Variants in CARMIL3 observed in about 807,000 individuals in gnomAD.
The protein encoded by CARMIL3 is capping protein, Arp2/3 and myosin-I linker protein 3.
In CARMIL3, 88 loss-of-function variants were observed where a neutral mutation model predicts 180.8. That is an observed-to-expected ratio of 0.49 (90% CI 0.41 to 0.58). The LOEUF (loss-of-function observed/expected upper bound fraction) is 0.58. CARMIL3 is among the 20% of genes least tolerant of loss of function. The pLI is 0.00. For synonymous variants in CARMIL3, 696 were observed against 714.5 expected, an observed-to-expected ratio of 0.97 and a Z score of 0.41; for missense variants, 1,548 against 1,787.0, an observed-to-expected ratio of 0.87 and a Z score of 2.41.
rs573542988 is a variant in CARMIL3, at chr14:24,052,104, C to CCGGCGG, written c.-39_-34dup. The CCGGCGG allele has an allele frequency of 2.6e-6, 4 of 1,521,920 alleles. No individual in the cohort carries two copies. The highest frequency in any genetic ancestry group is 5.3e-5 in the East Asian group (2 of 37,784). The allele number at this position is 1,521,920 out of a possible 1,614,324, so 94.3% of individuals were successfully genotyped here. On this transcript the variant is annotated 5_prime_UTR_variant, in exon 1 of 40. Coordinates refer to ENST00000342740, the MANE Select transcript of CARMIL3 (RefSeq NM_138360.4). ...CGGGTCTAGCATGTGCCGCGGCTCC[C>CCGGCGG]CGGCGGCGGCGGCGGCTCCTCTGCA...
rs538075167 is a variant in CARMIL3 at position 24,059,830 on chromosome 14, T to G, written c.1868+98T>G. 3.9e-5 allele frequency: 60 copies of G among 1,537,018 alleles called. No individual in the cohort carries two copies. In the African/African-American group the frequency reaches 8.1e-4, roughly 21 times the overall value. ...TTGCCCCACCCTAGCCCCTTTGACC[T>G]ATTTGCACAGAAATTTTAGGAAGGG... On this transcript the variant is annotated intron_variant, in intron 22 of 39. Coordinates refer to ENST00000342740, the MANE Select transcript of CARMIL3 (RefSeq NM_138360.4). The surrounding 1 kb of genome is among the most constrained non-coding windows in gnomAD (Gnocchi z 6.3).
At position 24,069,215 on chromosome 14, in the gene CARMIL3, A is replaced by G; in HGVS notation, c.4061A>G (p.Glu1354Gly). ...TRRAQSCDKL[E>G]PDRRRPPDPT... ...CGGGCACAGTCCTGTGACAAGCTGG[A>G]ACCTGATAGAAGACGGCCTCCTGAC... is the stretch of plus-strand genomic sequence containing the variant. Residue 1354 changes from glutamate to glycine, a missense_variant, in exon 39 of 40, where the codon GAA (glutamate) becomes GGA (glycine). Around this residue, in one of 4 missense-constraint regions of CARMIL3, gnomAD observed 668 missense variants for 687.8 expected, o/e 0.97. Coordinates refer to ENST00000342740, the MANE Select transcript of CARMIL3 (RefSeq NM_138360.4). 6.2e-7 allele frequency: 1 copy of G among 1,613,948 alleles called. No homozygotes were observed.
Position 24,059,286 on chromosome 14 carries a change from C to T in CARMIL3, c.1643C>T (p.Ser548Leu), listed in dbSNP as rs764897916. ...QEEDCSLQSL[S>L]VADSRLKLRT... ...CCCACACAGTCCCTGCAGTCACTGT[C>T]GGTGGCAGACTCCCGGCTGAAGCTT... Residue 548 changes from serine to leucine, a missense_variant, in exon 21 of 40, where the codon TCG becomes TTG. Physicochemically the swap from Ser to Leu is moderately radical, Grantham distance 145. Coordinates refer to ENST00000342740, the MANE Select transcript of CARMIL3 (RefSeq NM_138360.4). The surrounding 1 kb of genome is among the most constrained non-coding windows in gnomAD (Gnocchi z 6.3). 2 of 1,613,938 alleles carry T rather than the reference C, an allele frequency of 1.2e-6. No homozygotes were observed. The highest frequency in any genetic ancestry group is 1.1e-5 in the South Asian group (1 of 91,078).
chr14:24,062,928 C>A, intron 29 of CARMIL3, 82 bp downstream of exon 29: 1 of 1,547,574 alleles, frequency 6.5e-7, no homozygotes, highest in Non-Finnish European at 8.7e-7. Flanking sequence ...TTCCACTGAT[C>A]TGTACTCCCC....
At chr14:24,052,834 A>G (rs947564578) in intron 1 of CARMIL3, among the ~76,000 whole-genome samples, 3 of 152,148 alleles carry the variant, frequency 2.0e-5, no homozygotes, top group Admixed American at 1.3e-4. Flanking sequence ...TCCCGTTTGC[A>G]TGGTTCTCAG....
chr14:24,052,468 ACT>A (rs989915360), intron 1 of CARMIL3, among the ~76,000 whole-genome samples: 3 of 150,786 alleles, frequency 2.0e-5, no homozygotes, highest in African/African-American at 7.3e-5. Flanking sequence ...CCTGGGGCTG[ACT>A]CTCGGCGTTC....
intron 33 of CARMIL3, 97 bp from the exon 34 acceptor site, chr14:24,065,525 G>A: frequency 6.7e-7 from 1 of 1,499,336 alleles, no homozygotes; most frequent in Non-Finnish European, 8.9e-7. Context: ...CCGTGGCTAG[G>A]GACTCAGTGA....
intron 11 of CARMIL3, 22 bp from the exon 12 acceptor site, chr14:24,056,600 C>A: frequency 6.2e-7 from 1 of 1,612,804 alleles, no homozygotes; most frequent in Non-Finnish European, 8.5e-7. Context: ...TCACTGGGCC[C>A]GTTTCTCTCT....
Position 24,054,567 on chromosome 14 carries a change from C to G in CARMIL3, c.362+56C>G. The G allele has an allele frequency of 1.3e-6, 2 of 1,559,750 alleles. No homozygotes were observed. Among genetic ancestry groups the G allele is most frequent in the Non-Finnish European group, 8.8e-7 (1 of 1,137,080 alleles). On this transcript the variant is annotated intron_variant, in intron 5 of 39. Coordinates refer to ENST00000342740, the MANE Select transcript of CARMIL3 (RefSeq NM_138360.4). This position sits in a 1 kb window ranked among gnomAD's most constrained non-coding sequence, Gnocchi z 5.1. ...ATTAGATGAGAGGGAGAGTTCATCC[C>G]TTCCTCCTTCCCCTGGGCCAGGGCT... is the stretch of plus-strand genomic sequence containing the variant.
In CARMIL3 at chr14:24,063,292, CTGCTAGTCCCTCTAATG is replaced by C. The variant is rs1230732238; in HGVS notation, c.2771-32_2771-16del. On this transcript the variant is annotated splice_polypyrimidine_tract_variant and intron_variant, in intron 30 of 39. Coordinates refer to ENST00000342740, the MANE Select transcript of CARMIL3 (RefSeq NM_138360.4). The stretch of plus-strand genomic sequence containing the variant: ...CCCATCCTGCTTTCTCCCCATTCCT[CTGCTAGTCCCTCTAATG>C]CTGCTGTCTTTGCAGGCGGGAGCCC... The C allele has an allele frequency of 6.3e-7, 1 of 1,591,402 alleles. No homozygotes were observed. The highest frequency in any genetic ancestry group is 8.6e-7 in the Non-Finnish European group (1 of 1,163,310).
rs1464623997 is a variant in CARMIL3 at position 24,069,120 on chromosome 14, C to G, written c.3983-17C>G. The stretch of plus-strand genomic sequence containing the variant: ...AGCCCCACTCCTGTGTTAGGCCTGC[C>G]TTGATTGTTATTTCAGGGCCCCCTG... On this transcript the variant is annotated splice_polypyrimidine_tract_variant and intron_variant, in intron 38 of 39. Coordinates refer to ENST00000342740, the MANE Select transcript of CARMIL3 (RefSeq NM_138360.4). 6.2e-7 allele frequency: 1 copy of G among 1,613,638 alleles called. No homozygotes were observed. Among genetic ancestry groups the G allele is most frequent in the Admixed American group, 1.7e-5 (1 of 60,004 alleles).
Position 24,057,162 on chromosome 14 carries a change from T to C in CARMIL3, c.1063-5T>C, listed in dbSNP as rs1476997820. ...CCCTGCAACCCCTCTTCCTTCCTAC[T>C]CCAGGCCCTCTACAGTTTCCTGGCC... On this transcript the variant is annotated splice_polypyrimidine_tract_variant and splice_region_variant and intron_variant, in intron 13 of 39. Transcript: ENST00000342740. 2 of 1,613,542 alleles carry C rather than the reference T, an allele frequency of 1.2e-6. No individual in the cohort carries two copies. The highest frequency in any genetic ancestry group is 2.7e-5 in the African/African-American group (2 of 74,872).
At chr14:24,062,316 GTGTCAAGGGCTAGGCTGCCT>G in intron 27 of CARMIL3, 144 bp from the exon 28 acceptor site, 5 of 690,500 alleles carry the variant, frequency 7.2e-6, no homozygotes, top group Admixed American at 2.2e-5. Flanking sequence ...GGAGAAATGA[GTGTCAAGGGCTAGGCTGCCT>G]CCTTCAGCAG....
intron 33 of CARMIL3, 171 bp downstream of exon 33, chr14:24,065,444 A>T (rs2035776914): frequency 7.5e-6 from 8 of 1,072,360 alleles, no homozygotes; most frequent in Non-Finnish European, 9.3e-6. Context: ...AGTGGCCAAG[A>T]GCATGCTGGG....
rs896918979 is a variant in CARMIL3 at position 24,066,606 on chromosome 14, C to G, written c.3632C>G (p.Thr1211Ser). 15 of 1,614,110 alleles carry G rather than the reference C, an allele frequency of 9.3e-6. No homozygotes were observed. The highest frequency in any genetic ancestry group is 1.3e-5 in the Non-Finnish European group (15 of 1,180,046). ...SWKPPPPPQS[T>S]KPSFSAMRRA... ...AAGCCCCCACCACCGCCCCAAAGCA[C>G]CAAACCAAGCTTCAGCGCCATGCGC... Residue 1211 changes from threonine (T) to serine (S), a missense_variant, in exon 36 of 40, where the codon ACC becomes AGC. Thr to Ser is a moderately conservative substitution (Grantham distance 58, BLOSUM62 1). This residue lies in a region of CARMIL3 where 668 missense variants were observed against 687.8 expected (regional missense o/e 0.97). Transcript: ENST00000342740.
rs2035699562 is a variant in CARMIL3, at chr14:24,058,697, C to T, written c.1410C>T (p.Ala470=). 1 of 1,614,162 alleles carries T rather than the reference C, an allele frequency of 6.2e-7. No individual in the cohort carries two copies. The highest frequency in any genetic ancestry group is 2.2e-5 in the East Asian group (1 of 44,878). Residue 470 remains alanine, a synonymous_variant, in exon 18 of 40, where the codon GCC becomes GCT. Coordinates refer to ENST00000342740, the MANE Select transcript of CARMIL3 (RefSeq NM_138360.4). The surrounding 1 kb of genome is among the most constrained non-coding windows in gnomAD (Gnocchi z 6.4). ...CCCTGCAGCTCCGTTCAGCGGGAGC[C>T]CAAGCCTTGCAGGAGCAGCTGGGAG... The part of the protein sequence containing the change: ...LSSCELRSAG[A]QALQEQLGAV...
rs1406227442 is a variant in CARMIL3, at chr14:24,054,739, A to T, written c.391A>T (p.Thr131Ser). ...TTTGATCCGGCGTGGAAACGCAGAC[A>T]CCCCAGAGGGGCCCCGAGATACATC... ...GCLIRRGNADTPEGPRDTSPN... is the reference protein window; with the variant it reads ...GCLIRRGNADSPEGPRDTSPN... The change falls in exon 6 of 40, where the codon ACC (threonine) becomes TCC (serine). Residue 131 changes from threonine (T) to serine (S), a missense_variant. Physicochemically the swap from Thr to Ser is moderately conservative, Grantham distance 58. This residue lies in a region of CARMIL3 where 578 missense variants were observed against 666.5 expected (regional missense o/e 0.87). Coordinates refer to ENST00000342740, the MANE Select transcript of CARMIL3 (RefSeq NM_138360.4). The surrounding 1 kb of genome is among the most constrained non-coding windows in gnomAD (Gnocchi z 5.1). 1.9e-6 allele frequency: 3 copies of T among 1,613,754 alleles called. No homozygotes were observed. The highest frequency in any genetic ancestry group is 2.5e-6 in the Non-Finnish European group (3 of 1,179,940).
Position 24,062,812 on chromosome 14 carries a change from A to G in CARMIL3, c.2672A>G (p.Glu891Gly). ...SRGRGRNHDH[E>G]ETTDDELGTN... is the part of the protein sequence containing the mutation. ...GGCCGAGGCCGGAACCATGACCATG[A>G]GGAGACCACAGATGATGAACTTGGG... The change falls in exon 29 of 40, where the codon GAG (glutamate) becomes GGG (glycine). Residue 891 changes from glutamate to glycine, a missense_variant. Physicochemically the swap from Glu to Gly is moderately conservative, Grantham distance 98. Transcript: ENST00000342740. The G allele has an allele frequency of 6.2e-7, 1 of 1,612,968 alleles. No individual in the cohort carries two copies. The highest frequency in any genetic ancestry group is 8.5e-7 in the Non-Finnish European group (1 of 1,179,530).
At position 24,069,393 on chromosome 14, in the gene CARMIL3, G is replaced by C; in HGVS notation, c.4108G>C (p.Gly1370Arg). ...GTCCCCAGCAGGAACCAGTGAGCCA[G>C]GAACAGACTGACAACTGCCACAACA... ...PPDPTGTSEP[G>R]TD The change falls in exon 40 of 40, where the codon GGA (glycine) becomes CGA (arginine). Residue 1370 changes from glycine to arginine, a missense_variant. By Grantham distance (125) the Gly-to-Arg change is moderately radical (BLOSUM62 -2). Coordinates refer to ENST00000342740, the MANE Select transcript of CARMIL3 (RefSeq NM_138360.4). 1 of 1,614,154 alleles carries C rather than the reference G, an allele frequency of 6.2e-7. No individual in the cohort carries two copies. Among genetic ancestry groups the C allele is most frequent in the South Asian group, 1.1e-5 (1 of 91,084 alleles).
Sources: allele counts gnomAD v4.1 joint callset (sites outside exome capture counted in the v4.1 genomes callset), GRCh38; gene constraint gnomAD v4.1.1; regional missense constraint gnomAD v4.1.1; non-coding constraint Gnocchi (gnomAD v3.1); transcripts MANE v1.5; gene names NCBI Gene and HGNC (gene_info 2026-07-23, HGNC 2026-07-21).